STARD10: variants seen among roughly 807,000 people sequenced by gnomAD.
The protein encoded by STARD10 is StAR related lipid transfer domain containing 10, also known as START domain-containing protein 10.
In STARD10, 24 loss-of-function variants were observed where a neutral mutation model predicts 36.0. The observed-to-expected ratio is 0.67, with a 90% CI of 0.48 to 0.94. STARD10 has a LOEUF of 0.94. Among genes scored for constraint, STARD10 ranks in the 40% least tolerant of loss-of-function variants. STARD10 has a pLI of 0.00. For synonymous variants in STARD10, 156 were observed against 161.9 expected, an observed-to-expected ratio of 0.96 and a Z score of 0.28; for missense variants, 335 against 396.6, an observed-to-expected ratio of 0.84 and a Z score of 1.32.
intron 2 of STARD10, among the ~76,000 whole-genome samples, chr11:72,769,086 G>T (rs909472056): frequency 1.3e-5 from 2 of 152,148 alleles, no homozygotes; most frequent in African/African-American, 4.8e-5. Flanking sequence ...CTTAAAAAGG[G>T]GTAAAGGGCT....
intron 2 of STARD10, among the ~76,000 whole-genome samples, chr11:72,761,237 G>T (rs942576590): frequency 6.6e-6 from 1 of 152,200 alleles, no homozygotes; most frequent in Admixed American, 6.5e-5. Context: ...CGGGACTCCT[G>T]GCCCAGGCTC....
At chr11:72,788,337 TGCAGAGCC>T (rs973476550) in intron 1 of STARD10, among the ~76,000 whole-genome samples, 3 of 152,138 alleles carry the variant, frequency 2.0e-5, no homozygotes, top group African/African-American at 7.2e-5. Flanking sequence ...AGAGAGGGTG[TGCAGAGCC>T]GTGTGTGAGT....
At chr11:72,761,428 A>G (rs1182377319) in intron 2 of STARD10, among the ~76,000 whole-genome samples, 1 of 152,158 alleles carries the variant, frequency 6.6e-6, no homozygotes, top group Non-Finnish European at 1.5e-5. Context: ...GAAAATTTAC[A>G]GAAACAAAAT....
At chr11:72,766,908 G>A (rs1162590350) in intron 2 of STARD10, among the ~76,000 whole-genome samples, 1 of 152,192 alleles carries the variant, frequency 6.6e-6, no homozygotes, top group Non-Finnish European at 1.5e-5. Context: ...CATGGGATAT[G>A]TGGGGCACAC....
intron 2 of STARD10, among the ~76,000 whole-genome samples, chr11:72,761,886 T>G (rs1194686675): frequency 1.3e-5 from 2 of 151,574 alleles, no homozygotes; most frequent in African/African-American, 2.4e-5. Context: ...GGTTTCATTT[T>G]GCTTGTCTGT....
rs1858995602 is a variant in STARD10, at chr11:72,781,384, G to A, written c.-113-90C>T. ...CTGGCGGGTGGGGAGCTGGAGAGAG[G>A]TAGGGGCTGGCCCCAGGGAAGGGCG... On this transcript the variant is annotated intron_variant, in intron 1 of 6. Coordinates refer to ENST00000334805, the MANE Select transcript of STARD10 (RefSeq NM_006645.3). This position sits in a 1 kb window ranked among gnomAD's most constrained non-coding sequence, Gnocchi z 4.7. The A allele has an allele frequency of 1.2e-5, 7 of 589,256 alleles. No homozygotes were observed. Among genetic ancestry groups the A allele is most frequent in the Non-Finnish European group, 1.5e-5 (5 of 330,472 alleles). 36.5% of individuals were successfully genotyped at this position (589,256 alleles called of 1,614,324 possible).
chr11:72,755,861 C>T (rs758963155), intron 5 of STARD10, 108 bp from the exon 6 acceptor site: 134 of 1,026,578 alleles, frequency 1.3e-4, no homozygotes, highest in Non-Finnish European at 1.7e-4. Context: ...CTGTCTTCCC[C>T]ATGAGGAGGA....
rs757623133 is a variant in STARD10, at chr11:72,759,255, C to T, written c.334G>A (p.Ala112Thr). 6 of 1,614,098 alleles carry T rather than the reference C, an allele frequency of 3.7e-6. No homozygotes were observed. Among genetic ancestry groups the T allele is most frequent in the East Asian group, 2.2e-5 (1 of 44,886 alleles). Residue 112 changes from alanine (A) to threonine (T), a missense_variant, in exon 3 of 7, where the codon GCT becomes ACT. Ala to Thr is a moderately conservative substitution (Grantham distance 58). Transcript: ENST00000334805. ...TCACAGGAGTAATAGCCCACGTCAG[C>T]GTTGACTGTCAAGCGGGCGATGTCA... ...TFDIARLTVN[A>T]DVGYYSWRCP... is the part of the protein sequence containing the mutation.
intron 2 of STARD10, among the ~76,000 whole-genome samples, chr11:72,778,090 C>T (rs1347534249): frequency 6.6e-6 from 1 of 152,210 alleles, no homozygotes; most frequent in Non-Finnish European, 1.5e-5. Context: ...CCTCGGCTTT[C>T]TCATCCATCA....
At chr11:72,791,308 G>A (rs1189732719) in intron 1 of STARD10, among the ~76,000 whole-genome samples, 2 of 152,142 alleles carry the variant, frequency 1.3e-5, no homozygotes, top group Non-Finnish European at 1.5e-5. Context: ...GTATACATTA[G>A]ACACTAAATA....
chr11:72,781,209 G>A lies in STARD10; in HGVS notation c.-28C>T, dbSNP rs1158577114. The stretch of plus-strand genomic sequence containing the variant: ...GGAGTGTGGGGAGGCCCAGGGCCCT[G>A]GTCCTAGTCCGGCTCTCCTGGGTCC... On this transcript the variant is annotated 5_prime_UTR_variant, in exon 2 of 7. Coordinates refer to ENST00000334805, the MANE Select transcript of STARD10 (RefSeq NM_006645.3). This position sits in a 1 kb window ranked among gnomAD's most constrained non-coding sequence, Gnocchi z 4.7. The A allele has an allele frequency of 6.3e-7, 1 of 1,593,748 alleles. No homozygotes were observed. The highest frequency in any genetic ancestry group is 2.2e-5 in the East Asian group (1 of 44,660).
chr11:72,759,423 C>T, intron 2 of STARD10, 42 bp from the exon 3 acceptor site: 1 of 1,610,616 alleles, frequency 6.2e-7, no homozygotes, highest in Non-Finnish European at 8.5e-7. Flanking sequence ...ATATGGGGCT[C>T]AGAGCCTTGG....
intron 1 of STARD10, among the ~76,000 whole-genome samples, chr11:72,784,604 T>C (rs114867714): frequency 0.019 from 2,901 of 152,288 alleles, 102 homozygotes; most frequent in African/African-American, 0.066. Context: ...TTGATTCTCA[T>C]GGAAGATCAA....
At chr11:72,772,526 C>T (rs142677883) in intron 2 of STARD10, among the ~76,000 whole-genome samples, 176 of 152,320 alleles carry the variant, frequency 1.2e-3, no homozygotes, top group African/African-American at 4.0e-3. Context: ...ACTGCCCAGA[C>T]AGGCCTCACC....
At chr11:72,763,660 A>G (rs566489165) in intron 2 of STARD10, among the ~76,000 whole-genome samples, 61 of 152,308 alleles carry the variant, frequency 4.0e-4, no homozygotes, top group African/African-American at 1.3e-3. Context: ...TAGACTGAGG[A>G]GACTAATGAG....
At chr11:72,768,767 TCATG>T (rs1475340075) in intron 2 of STARD10, among the ~76,000 whole-genome samples, 1 of 152,214 alleles carries the variant, frequency 6.6e-6, no homozygotes, top group African/African-American at 2.4e-5. Flanking sequence ...GCATGCGTTG[TCATG>T]CATTCATTTG....
In STARD10 at chr11:72,788,457, C is replaced by G. The variant is rs1859102025; in HGVS notation, c.-114+4418G>C. 1.3e-5 allele frequency among the ~76,000 whole-genome samples: 2 copies of G among 152,258 alleles called. 1 individual carries two copies. The highest frequency in any genetic ancestry group is 4.8e-5 in the African/African-American group (2 of 41,524). ...GGAGCTGGGGTGTGGCTGTGTCGCA[C>G]TGCAAGGTTTCTCAATGTGGGTGAG... On this transcript the variant is annotated intron_variant, in intron 1 of 6. Coordinates refer to ENST00000334805, the MANE Select transcript of STARD10 (RefSeq NM_006645.3).
At position 72,780,751 on chromosome 11, in the gene STARD10, TGA is replaced by T. The variant is rs984488110; in HGVS notation, c.207+222_207+223del. 1.9e-5 allele frequency: 11 copies of T among 582,706 alleles called. No individual in the cohort carries two copies. In the African/African-American group the frequency reaches 2.0e-4, roughly 11 times the overall value. The allele number at this position is 582,706 out of a possible 1,614,324, so 36.1% of individuals were successfully genotyped here. On this transcript the variant is annotated intron_variant, in intron 2 of 6. Transcript: ENST00000334805. ...GGCATGCAGAAGCCTGGGTTCCAGC[TGA>T]GAGAGGCAGGGTGAGTCACTCCTGC...
In STARD10 at chr11:72,781,219, C is replaced by T. The variant is rs1453777053; in HGVS notation, c.-38G>A. On this transcript the variant is annotated 5_prime_UTR_variant, in exon 2 of 7. Transcript: ENST00000334805. This position sits in a 1 kb window ranked among gnomAD's most constrained non-coding sequence, Gnocchi z 4.7. ...GAGGCCCAGGGCCCTGGTCCTAGTC[C>T]GGCTCTCCTGGGTCCTCCGCGGAGG... The T allele has an allele frequency of 6.3e-7, 1 of 1,578,416 alleles. No individual in the cohort carries two copies. Among genetic ancestry groups the T allele is most frequent in the African/African-American group, 1.3e-5 (1 of 74,244 alleles).
Sources: allele counts gnomAD v4.1 joint callset (sites outside exome capture counted in the v4.1 genomes callset), GRCh38; gene constraint gnomAD v4.1.1; non-coding constraint Gnocchi (gnomAD v3.1); transcripts MANE v1.5; gene names NCBI Gene and HGNC (gene_info 2026-07-23, HGNC 2026-07-21).